PRKAA1: variants seen among roughly 807,000 people sequenced by gnomAD.
The protein encoded by PRKAA1 is 5'-AMP-activated protein kinase catalytic subunit alpha-1.
PRKAA1 carries 23 observed loss-of-function variants against 56.9 expected under a neutral mutation model. The observed-to-expected ratio is 0.40, with a 90% CI of 0.29 to 0.57. The LOEUF is 0.57. Ranked by LOEUF, PRKAA1 falls within the 20% of genes least tolerant of loss-of-function variation. The pLI is 0.39. For synonymous variants in PRKAA1, 226 were observed against 227.0 expected, an observed-to-expected ratio of 1.00 and a Z score of 0.04; for missense variants, 413 against 679.7, an observed-to-expected ratio of 0.61 and a Z score of 4.36.
chr5:40,772,170 T>C (rs540967902), intron 3 of PRKAA1, among the ~76,000 whole-genome samples: 4 of 152,368 alleles, frequency 2.6e-5, no homozygotes, highest in East Asian at 3.9e-4. Flanking sequence ...TACTTGAAAT[T>C]TGGCATATTT....
At chr5:40,768,475 T>A in intron 5 of PRKAA1, 1 of 927,452 alleles carries the variant, frequency 1.1e-6, no homozygotes, top group Non-Finnish European at 1.3e-6. Context: ...AGAATTAAGA[T>A]AGACAACACC....
intron 4 of PRKAA1, among the ~76,000 whole-genome samples, chr5:40,769,851 G>A (rs1400157206): frequency 1.2e-4 from 14 of 119,210 alleles, no homozygotes; most frequent in African/African-American, 4.5e-4. Flanking sequence ...AAAATTCAAA[G>A]TTCCTATTAA....
chr5:40,798,292 C>T lies in PRKAA1; in HGVS notation c.-103G>A, dbSNP rs34616857. ...GCAGCCACCGAGCCGAGTCACCGCCCTGCGCCGCCAGCCCAGGCCCCGCAG... is the reference window on the plus strand; with the variant it reads ...GCAGCCACCGAGCCGAGTCACCGCCTTGCGCCGCCAGCCCAGGCCCCGCAG... On this transcript the variant is annotated 5_prime_UTR_variant, in exon 1 of 9. Coordinates refer to ENST00000397128, the MANE Select transcript of PRKAA1 (RefSeq NM_006251.6). The T allele has an allele frequency of 3.0e-6, 2 of 668,980 alleles. No homozygotes were observed. Among genetic ancestry groups the T allele is most frequent in the Non-Finnish European group, 4.2e-6 (2 of 471,596 alleles). 41.4% of individuals were successfully genotyped at this position (668,980 alleles called of 1,614,324 possible).
At position 40,767,704 on chromosome 5, in the gene PRKAA1, TAAC is replaced by T. The variant is rs1407248535; in HGVS notation, c.597-17_597-15del. 6.4e-7 allele frequency: 1 copy of T among 1,563,890 alleles called. No homozygotes were observed. The highest frequency in any genetic ancestry group is 2.2e-5 in the East Asian group (1 of 44,482). ...CCTGCATACAATCTGTAACAGGAAA[TAAC>T]AATTGGATTAAAGAATCATTTTAAC... On this transcript the variant is annotated splice_polypyrimidine_tract_variant and intron_variant, in intron 5 of 8. Transcript: ENST00000397128.
intron 1 of PRKAA1, chr5:40,790,017 A>C (rs546970207): frequency 6.6e-6 from 1 of 152,332 alleles, no homozygotes; most frequent in African/African-American, 2.4e-5. Flanking sequence ...AAAAAGCGTA[A>C]GCATCCTGGG....
At chr5:40,768,758 A>C (rs1743587198) in intron 5 of PRKAA1, 4 of 1,329,736 alleles carry the variant, frequency 3.0e-6, no homozygotes, top group Non-Finnish European at 3.8e-6. Context: ...AAATCTAGCA[A>C]ACTTCAGCTT....
intron 4 of PRKAA1, among the ~76,000 whole-genome samples, chr5:40,769,709 A>G (rs1036380136): frequency 1.3e-4 from 20 of 152,046 alleles, no homozygotes; most frequent in Non-Finnish European, 7.4e-5. Flanking sequence ...AAGTTAGTGC[A>G]CTGTTAGAGT....
intron 1 of PRKAA1, among the ~76,000 whole-genome samples, chr5:40,788,363 T>C (rs950422085): frequency 6.6e-6 from 1 of 152,148 alleles, no homozygotes; most frequent in African/African-American, 2.4e-5. Context: ...TTAACAAGTA[T>C]CAACTTAAAA....
intron 1 of PRKAA1, among the ~76,000 whole-genome samples, chr5:40,781,560 T>G (rs572304220): frequency 8.5e-5 from 13 of 152,196 alleles, no homozygotes; most frequent in African/African-American, 3.1e-4. Context: ...GATAGTTATT[T>G]CTGAGGGATT....
intron 1 of PRKAA1, among the ~76,000 whole-genome samples, chr5:40,789,884 G>C (rs1744645527): frequency 6.6e-6 from 1 of 152,168 alleles, no homozygotes; most frequent in South Asian, 2.1e-4. Flanking sequence ...ACATCACATT[G>C]TGCCCCATAA....
intron 1 of PRKAA1, among the ~76,000 whole-genome samples, chr5:40,787,121 G>A (rs1026352513): frequency 6.6e-6 from 1 of 151,910 alleles, no homozygotes; most frequent in African/African-American, 2.4e-5. Flanking sequence ...ATGGTGGTAA[G>A]TAAATGAATT....
At chr5:40,777,657 G>A (rs993105510) in intron 1 of PRKAA1, 71 bp from the exon 2 acceptor site, 260 of 1,402,584 alleles carry the variant, frequency 1.9e-4, no homozygotes, top group African/African-American at 5.0e-4. Context: ...ATTCTGGCCC[G>A]GTGCAGTGGC....
intron 3 of PRKAA1, among the ~76,000 whole-genome samples, chr5:40,774,732 A>C (rs1743914933): frequency 6.6e-6 from 1 of 152,134 alleles, no homozygotes; most frequent in Non-Finnish European, 1.5e-5. Flanking sequence ...ATAACTTAAA[A>C]TTGAGAGAAA....
In PRKAA1 at chr5:40,798,262, G is replaced by T. The variant is rs1745040774; in HGVS notation, c.-73C>A. The T allele has an allele frequency of 1.4e-6, 1 of 697,242 alleles. No individual in the cohort carries two copies. The highest frequency in any genetic ancestry group is 2.1e-6 in the Non-Finnish European group (1 of 486,274). The allele number at this position is 697,242 out of a possible 1,614,324, so 43.2% of individuals were successfully genotyped here. A position where few individuals can be genotyped will look rare whatever the true frequency, so the allele number is the denominator to read the frequency against. Reference sequence around the variant, plus strand: ...CGGGCGGGGAGGGGGTGGGGACGCGGGAGGGCAGCCACCGAGCCGAGTCAC... The same window carrying T: ...CGGGCGGGGAGGGGGTGGGGACGCGTGAGGGCAGCCACCGAGCCGAGTCAC... On this transcript the variant is annotated 5_prime_UTR_variant, in exon 1 of 9. Transcript: ENST00000397128.
At chr5:40,789,038 T>G (rs185681450) in intron 1 of PRKAA1, among the ~76,000 whole-genome samples, 2 of 151,956 alleles carry the variant, frequency 1.3e-5, no homozygotes, top group East Asian at 3.9e-4. Context: ...CAGTGAGACC[T>G]TGTCTCTATA....
intron 5 of PRKAA1, chr5:40,768,671 G>C (rs1008329822): frequency 2.3e-5 from 28 of 1,237,180 alleles, no homozygotes; most frequent in Non-Finnish European, 2.8e-5. Flanking sequence ...CAGTATTTCT[G>C]CATTGAGTTA....
intron 8 of PRKAA1, 104 bp downstream of exon 8, chr5:40,764,410 G>T: frequency 9.0e-7 from 1 of 1,115,076 alleles, no homozygotes; most frequent in Non-Finnish European, 1.2e-6. Context: ...TTCCTTTGCA[G>T]TTGAATTACT....
Position 40,785,839 on chromosome 5 carries a change from C to CAGAG in PRKAA1, c.128-8257_128-8254dup, listed in dbSNP as rs10594859. Reference sequence around the variant, plus strand: ...AGAGGAGAGCACACACACACACACACAGAGAGAGAGAGAGAGAGAGAGAGA... The same window carrying CAGAG: ...AGAGGAGAGCACACACACACACACACAGAGAGAGAGAGAGAGAGAGAGAGAGAGA... On this transcript the variant is annotated intron_variant, in intron 1 of 8. Coordinates refer to ENST00000397128, the MANE Select transcript of PRKAA1 (RefSeq NM_006251.6). Among the ~76,000 whole-genome samples, 250 of 58,472 alleles carry CAGAG rather than the reference C, an allele frequency of 4.3e-3. 2 individuals carry two copies. The highest frequency in any genetic ancestry group is 0.041 in the East Asian group (50 of 1,210). 38.4% of individuals were successfully genotyped at this position (58,472 alleles called of 152,430 possible). A position where few individuals can be genotyped will look rare whatever the true frequency, so the allele number is the denominator to read the frequency against.
chr5:40,781,085 T>C (rs28544962), intron 1 of PRKAA1, among the ~76,000 whole-genome samples: 47,770 of 152,060 alleles, frequency 0.31, 7,779 homozygotes, highest in East Asian at 0.56. Flanking sequence ...TACAACCGAA[T>C]GTGCACTAAT....
Sources: allele counts gnomAD v4.1 joint callset (sites outside exome capture counted in the v4.1 genomes callset), GRCh38; gene constraint gnomAD v4.1.1; transcripts MANE v1.5; gene names NCBI Gene and HGNC (gene_info 2026-07-23, HGNC 2026-07-21).